Variants in AGAP1 observed in about 807,000 individuals in gnomAD.
The protein encoded by AGAP1 is arf-GAP with GTPase, ANK repeat and PH domain-containing protein 1.
AGAP1 carries 29 observed loss-of-function variants against 105.3 expected under a neutral mutation model. The ratio of observed to expected loss-of-function variants is 0.28; its 90% CI spans 0.21 to 0.38. The LOEUF is 0.38. Ranked by LOEUF, AGAP1 falls within the 10% of genes least tolerant of loss-of-function variation. The pLI, the probability that AGAP1 is intolerant of heterozygous loss-of-function variation, is 1.00. For missense variants in AGAP1, 998 were observed against 1,165.1 expected (o/e 0.86, Z 2.09); for synonymous variants, 509 against 485.9 (o/e 1.05, Z -0.63).
Position 236,046,897 on chromosome 2 carries a change from C to T in AGAP1, c.1892-2162C>T, listed in dbSNP as rs1249517305. Among the ~76,000 whole-genome samples the T allele has an allele frequency of 6.6e-6, 1 of 152,154 alleles. No homozygotes were observed. The highest frequency in any genetic ancestry group is 2.1e-4 in the South Asian group (1 of 4,828). On this transcript the variant is annotated intron_variant, in intron 15 of 17. Transcript: ENST00000304032. The surrounding 1 kb of genome is among the most constrained non-coding windows in gnomAD (Gnocchi z 5.2). ...CCTGTAATCCCAACACTTTGGGAGG[C>T]CCAGGCAGGAGGATTGCTTGAGCCC... is the stretch of plus-strand genomic sequence containing the variant.
intron 1 of AGAP1, among the ~76,000 whole-genome samples, chr2:235,634,834 G>A (rs989697640): frequency 6.6e-5 from 10 of 152,200 alleles, no homozygotes; most frequent in African/African-American, 2.4e-4. Flanking sequence ...TTGAGTTTAC[G>A]TACCACGAAG....
intron 9 of AGAP1, among the ~76,000 whole-genome samples, chr2:235,827,527 G>A (rs756718583): frequency 6.6e-6 from 1 of 152,156 alleles, no homozygotes; most frequent in Non-Finnish European, 1.5e-5. Context: ...GTGACATTTT[G>A]ATACATTAAT....
chr2:235,880,828 C>G (rs547503324), intron 9 of AGAP1, among the ~76,000 whole-genome samples: 13 of 152,226 alleles, frequency 8.5e-5, no homozygotes, highest in Non-Finnish European at 1.5e-4. Context: ...AGAGGGGTCT[C>G]TCATGAGTTG....
At chr2:235,670,526 G>A (rs1948339452) in intron 1 of AGAP1, 2 of 489,066 alleles carry the variant, frequency 4.1e-6, no homozygotes, top group South Asian at 6.0e-5. Context: ...CGACGTGGAG[G>A]GGGCCCGGGC....
At position 236,014,718 on chromosome 2, in the gene AGAP1, T is replaced by C; in HGVS notation, c.1646-21843T>C. The C allele has an allele frequency of 3.8e-6, 1 of 266,036 alleles. No homozygotes were observed. Among genetic ancestry groups the C allele is most frequent in the Non-Finnish European group, 7.4e-6 (1 of 135,198 alleles). The allele number at this position is 266,036 out of a possible 1,614,324, so 16.5% of individuals were successfully genotyped here. A position where few individuals can be genotyped will look rare whatever the true frequency, so the allele number is the denominator to read the frequency against. ...GGCAACGTCACGTGCTACTTTGACC[T>C]TTTTTTTTCTCCCCTTTTCATTTGT... On this transcript the variant is annotated intron_variant, in intron 13 of 17. Coordinates refer to ENST00000304032, the MANE Select transcript of AGAP1 (RefSeq NM_001037131.3). This position sits in a 1 kb window ranked among gnomAD's most constrained non-coding sequence, Gnocchi z 6.3.
At chr2:235,589,298 C>T (rs1446025531) in intron 1 of AGAP1, among the ~76,000 whole-genome samples, 1 of 146,130 alleles carries the variant, frequency 6.8e-6, no homozygotes, top group Non-Finnish European at 1.5e-5. Context: ...CCCTGCCTCC[C>T]AGGTTCAAGT....
intron 13 of AGAP1, among the ~76,000 whole-genome samples, chr2:235,997,899 C>T (rs947716002): frequency 9.2e-5 from 14 of 151,934 alleles, no homozygotes; most frequent in African/African-American, 2.9e-4. Flanking sequence ...TCGTCTTCCA[C>T]GTAGCATTTC....
chr2:236,060,794 G>C (rs1218128766), intron 16 of AGAP1, among the ~76,000 whole-genome samples: 1 of 152,170 alleles, frequency 6.6e-6, no homozygotes, highest in Non-Finnish European at 1.5e-5. Context: ...GGGCATGGAG[G>C]CTCATGCCCG....
Position 235,621,238 on chromosome 2 carries a change from T to G in AGAP1, c.164-87941T>G, listed in dbSNP as rs1179472591. Among the ~76,000 whole-genome samples the G allele has an allele frequency of 6.6e-6, 1 of 152,166 alleles. No individual in the cohort carries two copies. The highest frequency in any genetic ancestry group is 1.5e-5 in the Non-Finnish European group (1 of 68,032). ...GGATTCACCGTGTTGGCCAGGGTGGTCTTGAACTCCTGACCTCTGGTGATC... is the reference window on the plus strand; with the variant it reads ...GGATTCACCGTGTTGGCCAGGGTGGGCTTGAACTCCTGACCTCTGGTGATC... On this transcript the variant is annotated intron_variant, in intron 1 of 17. Transcript: ENST00000304032. This position sits in a 1 kb window ranked among gnomAD's most constrained non-coding sequence, Gnocchi z 4.1.
intron 1 of AGAP1, among the ~76,000 whole-genome samples, chr2:235,538,724 TACTTTCCTTGA>T (rs1943334848): frequency 6.6e-6 from 1 of 152,148 alleles, no homozygotes; most frequent in Non-Finnish European, 1.5e-5. Context: ...CAGAGTTTCC[TACTTTCCTTGA>T]ACTTTCCTTT....
chr2:236,113,464 A>G lies in AGAP1; in HGVS notation c.2115-6728A>G, dbSNP rs1379795615. Reference sequence around the variant, plus strand: ...GGAGTTTGTTTTTTAAAATGTGTACATGCTTGAGGGTGTTACCAGGAATGA... The same window carrying G: ...GGAGTTTGTTTTTTAAAATGTGTACGTGCTTGAGGGTGTTACCAGGAATGA... On this transcript the variant is annotated intron_variant, in intron 16 of 17. Coordinates refer to ENST00000304032, the MANE Select transcript of AGAP1 (RefSeq NM_001037131.3). This position sits in a 1 kb window ranked among gnomAD's most constrained non-coding sequence, Gnocchi z 4.3. Among the ~76,000 whole-genome samples the G allele has an allele frequency of 6.6e-6, 1 of 152,140 alleles. No individual in the cohort carries two copies. The highest frequency in any genetic ancestry group is 2.4e-5 in the African/African-American group (1 of 41,426).
At position 235,723,802 on chromosome 2, in the gene AGAP1, G is replaced by GTTGGTTGGTTGGTTGGTCGA. The variant is rs762090814; in HGVS notation, c.310+6159_310+6160insTGGTTGGTTGGTTGGTCGAT. Among the ~76,000 whole-genome samples the GTTGGTTGGTTGGTTGGTCGA allele has an allele frequency of 4.6e-5, 7 of 151,790 alleles. No individual in the cohort carries two copies. The highest frequency in any genetic ancestry group is 1.0e-4 in the Non-Finnish European group (7 of 68,014). Reference sequence around the variant, plus strand: ...GGTTGGTTGGTTGGTTGGTTGGTTGGTCGATCGACAGAGACTTAAGAATGT... The same window carrying GTTGGTTGGTTGGTTGGTCGA: ...GGTTGGTTGGTTGGTTGGTTGGTTGGTTGGTTGGTTGGTTGGTCGATCGATCGACAGAGACTTAAGAATGT... On this transcript the variant is annotated intron_variant, in intron 3 of 17. Transcript: ENST00000304032. The surrounding 1 kb of genome is among the most constrained non-coding windows in gnomAD (Gnocchi z 6.2).
At chr2:235,722,131 G>C (rs769994672) in intron 3 of AGAP1, among the ~76,000 whole-genome samples, 23 of 152,234 alleles carry the variant, frequency 1.5e-4, no homozygotes, top group Admixed American at 3.3e-4. Flanking sequence ...TGTATAGACA[G>C]ATTCCTTAAT....
chr2:236,090,952 T>A lies in AGAP1; in HGVS notation c.2115-29240T>A, dbSNP rs900638323. Among the ~76,000 whole-genome samples, 6 of 152,218 alleles carry A rather than the reference T, an allele frequency of 3.9e-5. No homozygotes were observed. The East Asian group carries it at 1.2e-3, about 29-fold the overall frequency. ...TGAGGTTTCACCATGTTGGCCAGGC[T>A]GGTGTCGACCTCCTGACCTCAGGTG... On this transcript the variant is annotated intron_variant, in intron 16 of 17. Transcript: ENST00000304032. The surrounding 1 kb of genome is among the most constrained non-coding windows in gnomAD (Gnocchi z 4.3).
At chr2:235,916,911 C>T (rs1160332680) in intron 11 of AGAP1, among the ~76,000 whole-genome samples, 1 of 152,176 alleles carries the variant, frequency 6.6e-6, no homozygotes, top group Non-Finnish European at 1.5e-5. Context: ...ATCATGGCAG[C>T]AAGGGGGCAG....
intron 16 of AGAP1, among the ~76,000 whole-genome samples, chr2:236,115,993 C>T (rs775287316): frequency 3.3e-5 from 5 of 152,126 alleles, no homozygotes; most frequent in African/African-American, 9.6e-5. Flanking sequence ...TTAGTAGAGA[C>T]GGGTTTTCAC....
chr2:235,785,340 T>C (rs899306787), intron 6 of AGAP1, among the ~76,000 whole-genome samples: 2 of 152,234 alleles, frequency 1.3e-5, no homozygotes, highest in African/African-American at 4.8e-5. Flanking sequence ...GGAAGCAAAT[T>C]AGACCTGATA....
rs1468201726 is a variant in AGAP1 at position 236,005,923 on chromosome 2, C to T, written c.1646-30638C>T. Among the ~76,000 whole-genome samples, 1 of 152,228 alleles carries T rather than the reference C, an allele frequency of 6.6e-6. No individual in the cohort carries two copies. Among genetic ancestry groups the T allele is most frequent in the African/African-American group, 2.4e-5 (1 of 41,456 alleles). ...GCTGTAAAGTCATTGTGCCCCTCCA[C>T]AGCCCATACTGAACTTTTGGAAGGA... On this transcript the variant is annotated intron_variant, in intron 13 of 17. Coordinates refer to ENST00000304032, the MANE Select transcript of AGAP1 (RefSeq NM_001037131.3). This position sits in a 1 kb window ranked among gnomAD's most constrained non-coding sequence, Gnocchi z 4.1.
intron 12 of AGAP1, among the ~76,000 whole-genome samples, chr2:235,938,567 A>G (rs1319698372): frequency 6.6e-6 from 1 of 152,218 alleles, no homozygotes; most frequent in Admixed American, 6.5e-5. Context: ...GGCTCAACAA[A>G]CCAACAGTAC....
Sources: gnomAD v4.1 joint callset for allele counts (sites outside exome capture counted in the v4.1 genomes callset) on GRCh38, gnomAD v4.1.1 for gene constraint, Gnocchi (gnomAD v3.1) non-coding constraint, MANE v1.5 for transcripts, NCBI Gene and HGNC (gene_info 2026-07-23, HGNC 2026-07-21) for gene names.